The following PALM2AKAP2 variants were observed in gnomAD, a reference collection of about 807,000 sequenced individuals.
PALM2AKAP2 encodes the protein PALM2 and AKAP2 fusion.
A neutral mutation model predicts 71.5 loss-of-function variants in PALM2AKAP2; 37 were observed. The ratio of observed to expected loss-of-function variants is 0.52; its 90% CI spans 0.40 to 0.68. The LOEUF is 0.68. PALM2AKAP2 is among the 30% of genes least tolerant of loss of function. The pLI is 0.00. For synonymous variants in PALM2AKAP2, 468 were observed against 478.8 expected, an observed-to-expected ratio of 0.98 and a Z score of 0.29; for missense variants, 1,224 against 1,191.8, an observed-to-expected ratio of 1.03 and a Z score of -0.40.
chr9:110,048,757 C>G, exon 1 of PALM2AKAP2: 4 of 1,538,198 alleles, frequency 2.6e-6, no homozygotes, highest in Non-Finnish European at 2.6e-6. Flanking sequence ...TCCTGGACCC[C>G]CGGAGTCTCC....
chr9:109,800,456 C>T (rs1230355684), intron 1 of PALM2AKAP2, among the ~76,000 whole-genome samples: 1 of 152,220 alleles, frequency 6.6e-6, no homozygotes, highest in Non-Finnish European at 1.5e-5. Context: ...CAGATTCAAA[C>T]TCAGATCTGT....
At chr9:109,733,374 T>C (rs1156869511) in intron 1 of PALM2AKAP2, among the ~76,000 whole-genome samples, 1 of 152,160 alleles carries the variant, frequency 6.6e-6, no homozygotes, top group Non-Finnish European at 1.5e-5. Flanking sequence ...AATCTCACAC[T>C]GGTTAACAAT....
upstream of PALM2AKAP2, among the ~76,000 whole-genome samples, chr9:109,776,942 A>G (rs984229171): frequency 6.6e-6 from 1 of 152,168 alleles, no homozygotes; most frequent in African/African-American, 2.4e-5. Flanking sequence ...TTCCTAGTAA[A>G]TTCAATTAGT....
chr9:109,718,337 C>T (rs1208114780), intron 1 of PALM2AKAP2, among the ~76,000 whole-genome samples: 1 of 152,148 alleles, frequency 6.6e-6, no homozygotes, highest in East Asian at 1.9e-4. Context: ...GCCTCGGTCT[C>T]CCAAAGTGCT....
At chr9:109,647,181 G>T (rs1473594860) in intron 1 of PALM2AKAP2, among the ~76,000 whole-genome samples, 2 of 151,958 alleles carry the variant, frequency 1.3e-5, no homozygotes, top group Non-Finnish European at 1.5e-5. Flanking sequence ...ATGTTGTTCT[G>T]CAGCTTGCTT....
At chr9:109,851,556 G>GGAAGCAAAGTACCACACT (rs1175951080) in intron 1 of PALM2AKAP2, among the ~76,000 whole-genome samples, 1 of 152,160 alleles carries the variant, frequency 6.6e-6, no homozygotes, top group Non-Finnish European at 1.5e-5. Flanking sequence ...GATACCAAAG[G>GGAAGCAAAGTACCACACT]GAAGCAAAGT....
chr9:109,706,776 A>G (rs1828151711), intron 1 of PALM2AKAP2, among the ~76,000 whole-genome samples: 1 of 152,258 alleles, frequency 6.6e-6, no homozygotes. Flanking sequence ...GCACCTTAAC[A>G]AACACGCTAA....
At chr9:109,854,648 T>C (rs1207110236) in intron 1 of PALM2AKAP2, among the ~76,000 whole-genome samples, 1 of 152,168 alleles carries the variant, frequency 6.6e-6, no homozygotes, top group East Asian at 1.9e-4. Context: ...AGAGGATAGA[T>C]GCTATCCTGT....
At chr9:109,870,713 A>T (rs1356134342) in intron 2 of PALM2AKAP2, among the ~76,000 whole-genome samples, 3 of 152,188 alleles carry the variant, frequency 2.0e-5, no homozygotes, top group Non-Finnish European at 2.9e-5. Context: ...CTTTGAAAGA[A>T]ATGTTTCCTT....
At chr9:109,652,247 A>G (rs1475387606) in intron 1 of PALM2AKAP2, among the ~76,000 whole-genome samples, 1 of 152,106 alleles carries the variant, frequency 6.6e-6, no homozygotes, top group African/African-American at 2.4e-5. Flanking sequence ...TGTGATCCCC[A>G]GTGTTGGCAG....
intron 4 of PALM2AKAP2, 77 bp from the exon 5 acceptor site, chr9:109,924,984 A>C (rs1261108699): frequency 1.2e-6 from 2 of 1,605,354 alleles, no homozygotes; most frequent in Non-Finnish European, 1.7e-6. Flanking sequence ...AGATGGGTTA[A>C]GTCTTTAAAG....
intron 1 of PALM2AKAP2, among the ~76,000 whole-genome samples, chr9:110,109,770 A>T (rs1186981509): frequency 6.6e-6 from 1 of 152,120 alleles, no homozygotes; most frequent in African/African-American, 2.4e-5. Context: ...GGGGACAGAT[A>T]CAGGAAAAGG....
chr9:109,677,108 T>C (rs1827658080), intron 1 of PALM2AKAP2, among the ~76,000 whole-genome samples: 1 of 151,444 alleles, frequency 6.6e-6, no homozygotes. Context: ...TCAAGGGAGG[T>C]TTTTATTGTT....
intron 1 of PALM2AKAP2, among the ~76,000 whole-genome samples, chr9:109,738,621 G>A (rs553521906): frequency 6.6e-6 from 1 of 152,226 alleles, no homozygotes; most frequent in South Asian, 2.1e-4. Context: ...TTATCATTAC[G>A]GTAGTCTTCT....
Position 110,108,114 on chromosome 9 carries a change from T to C in PALM2AKAP2, c.157-28013T>C, listed in dbSNP as rs966258582. Among the ~76,000 whole-genome samples the C allele has an allele frequency of 4.0e-5, 6 of 149,832 alleles. No homozygotes were observed. In the East Asian group the frequency reaches 1.2e-3, roughly 29 times the overall value. The stretch of plus-strand genomic sequence containing the variant: ...TGCTTTGTGCCTTTTGTTTTTCTTT[T>C]TTTCTTTTTTTTTTTTTTGAGATGG... On this transcript the variant is annotated intron_variant, in intron 1 of 3. Transcript: ENST00000374525.
At chr9:110,019,961 A>C (rs1312798784) in intron 7 of PALM2AKAP2, among the ~76,000 whole-genome samples, 6 of 152,206 alleles carry the variant, frequency 3.9e-5, no homozygotes, top group Non-Finnish European at 5.9e-5. Context: ...AAAATTAAAT[A>C]AAAAGAATTA....
intron 6 of PALM2AKAP2, among the ~76,000 whole-genome samples, chr9:109,981,813 C>T (rs532469594): frequency 2.0e-5 from 3 of 151,414 alleles, no homozygotes; most frequent in Admixed American, 6.6e-5. Context: ...TAACAAATGC[C>T]GGCAAGGATG....
chr9:110,035,779 A>G (rs1216002359), intron 7 of PALM2AKAP2, among the ~76,000 whole-genome samples: 2 of 119,252 alleles, frequency 1.7e-5, no homozygotes, highest in South Asian at 2.6e-4. Context: ...GTTATATGTA[A>G]CATATATAGG....
chr9:110,080,698 A>G (rs1834431209), intron 1 of PALM2AKAP2, among the ~76,000 whole-genome samples: 2 of 152,002 alleles, frequency 1.3e-5, no homozygotes, highest in African/African-American at 4.8e-5. Flanking sequence ...TTTGTTTTTG[A>G]GGTGGAGTCT....
Sources: allele counts gnomAD v4.1 joint callset (sites outside exome capture counted in the v4.1 genomes callset), GRCh38; gene constraint gnomAD v4.1.1; transcripts MANE v1.5; gene names NCBI Gene and HGNC (gene_info 2026-07-23, HGNC 2026-07-21).